The following GLB1 variants were observed in gnomAD, a reference collection of about 807,000 sequenced individuals.
GLB1 encodes the protein beta-galactosidase.
In GLB1, 56 loss-of-function variants were observed where a neutral mutation model predicts 74.0. That is an observed-to-expected ratio of 0.76 (90% CI 0.61 to 0.94). The LOEUF (loss-of-function observed/expected upper bound fraction) is 0.94, where lower values mean the gene tolerates loss of function less well. GLB1 is among the 40% of genes least tolerant of loss of function. The pLI is 0.00. For synonymous variants in GLB1, 323 were observed against 323.6 expected (o/e 1.00, Z 0.02); for missense variants, 787 against 845.5 (o/e 0.93, Z 0.86).
At chr3:32,993,522 ATTT>A (rs746774682), downstream of GLB1, among the ~76,000 whole-genome samples, 3 of 62,250 alleles carry the variant, frequency 4.8e-5, no homozygotes, top group African/African-American at 6.3e-5. Context: ...CATCCAGCTA[ATTT>A]TTTTTTTTTT....
chr3:32,962,193 T>A, the GLB1 span, among the ~76,000 whole-genome samples: 1 of 148,698 alleles, frequency 6.7e-6, no homozygotes, highest in Non-Finnish European at 1.5e-5. Context: ...GACTACATAT[T>A]AAAAAAAAAA....
At chr3:33,032,059 A>G (rs62253974) in intron 10 of GLB1, among the ~76,000 whole-genome samples, 15,129 of 152,036 alleles carry the variant, frequency 0.1, 918 homozygotes, top group Non-Finnish European at 0.14. Flanking sequence ...CGGCCTCCCA[A>G]AGTGCTGGGA....
chr3:32,970,307 T>C, the GLB1 span, among the ~76,000 whole-genome samples: 2 of 152,082 alleles, frequency 1.3e-5, no homozygotes. Flanking sequence ...TTGCCCATGG[T>C]CCTCCTCCGA....
rs761217705 is a variant in GLB1, at chr3:33,014,342, G to C, written c.1480-32C>G. On this transcript the variant is annotated intron_variant, in intron 14 of 15. Transcript: ENST00000307363. ...AGCAGAAACAGAGCACAGTGAGCTG[G>C]GGAGGGAAGGAAAAAGGCTTCACAT... is the stretch of plus-strand genomic sequence containing the variant. The C allele has an allele frequency of 1.9e-6, 3 of 1,609,708 alleles. No homozygotes were observed. In the Admixed American group the frequency reaches 5.1e-5, roughly 27 times the overall value.
the GLB1 span, among the ~76,000 whole-genome samples, chr3:32,967,755 A>C: frequency 6.6e-6 from 1 of 152,196 alleles, no homozygotes; most frequent in Non-Finnish European, 1.5e-5. Context: ...CTAGAGCCTC[A>C]GGGCCAGGGG....
the GLB1 span, among the ~76,000 whole-genome samples, chr3:32,982,002 C>T: frequency 1.3e-5 from 2 of 152,224 alleles, no homozygotes; most frequent in East Asian, 1.9e-4. Context: ...ATTAATGTGG[C>T]TTCTGATAGT....
At chr3:33,043,149 TATTG>T (rs1240276771) in intron 10 of GLB1, among the ~76,000 whole-genome samples, 1 of 152,002 alleles carries the variant, frequency 6.6e-6, no homozygotes, top group Non-Finnish European at 1.5e-5. Flanking sequence ...AAAGTAAAGA[TATTG>T]ATTAATTTTA....
At chr3:33,057,918 T>C (rs1198731812) in intron 6 of GLB1, among the ~76,000 whole-genome samples, 171 bp downstream of exon 6, 2 of 152,222 alleles carry the variant, frequency 1.3e-5, no homozygotes, top group South Asian at 2.1e-4. Flanking sequence ...GGCCTACAGA[T>C]AACCCTCTGT....
At chr3:32,981,754 C>T in the GLB1 span, among the ~76,000 whole-genome samples, 2 of 150,142 alleles carry the variant, frequency 1.3e-5, no homozygotes, top group Admixed American at 6.7e-5. Context: ...GCCTGGGAGA[C>T]AGAGCGAGAC....
chr3:33,082,236 T>C (rs1700348818), intron 1 of GLB1, among the ~76,000 whole-genome samples: 1 of 151,760 alleles, frequency 6.6e-6, no homozygotes, highest in Non-Finnish European at 1.5e-5. Flanking sequence ...CCCCAGTCCT[T>C]TTCACAGAGA....
the GLB1 span, among the ~76,000 whole-genome samples, chr3:32,983,770 C>A: frequency 6.6e-6 from 1 of 152,166 alleles, no homozygotes; most frequent in African/African-American, 2.4e-5. Context: ...CCTTGACCCC[C>A]TGAGTTCAAG....
At chr3:32,967,105 A>G in the GLB1 span, among the ~76,000 whole-genome samples, 1 of 152,204 alleles carries the variant, frequency 6.6e-6, no homozygotes, top group Non-Finnish European at 1.5e-5. Flanking sequence ...TTGTATTCAT[A>G]TTGTATTGGA....
the GLB1 span, among the ~76,000 whole-genome samples, chr3:32,979,595 G>A: frequency 1.3e-5 from 2 of 151,654 alleles, no homozygotes; most frequent in East Asian, 1.9e-4. Context: ...GCTTACACCT[G>A]TAATCCCAGC....
At chr3:33,002,842 T>TA (rs1295349499) in intron 15 of GLB1, among the ~76,000 whole-genome samples, 4 of 152,134 alleles carry the variant, frequency 2.6e-5, no homozygotes, top group Non-Finnish European at 5.9e-5. Context: ...TTGCAGGACT[T>TA]AAAATGGGAA....
intron 1 of GLB1, chr3:33,092,259 G>A (rs2125583649): frequency 1.0e-6 from 1 of 985,726 alleles, no homozygotes; most frequent in Non-Finnish European, 1.2e-6. Context: ...AGATTTTGCT[G>A]ATGCCCTCAA....
At chr3:32,964,689 A>G in the GLB1 span, among the ~76,000 whole-genome samples, 1 of 152,190 alleles carries the variant, frequency 6.6e-6, no homozygotes, top group African/African-American at 2.4e-5. Context: ...ATAATTCTAC[A>G]CCTAGGTATT....
chr3:33,051,415 G>A lies in GLB1; in HGVS notation c.955+343C>T, dbSNP rs537901570. Among the ~76,000 whole-genome samples the A allele has an allele frequency of 1.6e-4, 24 of 151,382 alleles. No homozygotes were observed. In the South Asian group the frequency reaches 5.0e-3, roughly 32 times the overall value. On this transcript the variant is annotated intron_variant, in intron 9 of 15. Coordinates refer to ENST00000307363, the MANE Select transcript of GLB1 (RefSeq NM_000404.4). ...AGTTCAAGACCAGCCTGGCCAACATGGTGAAACCCCGTCTCTACTAAAAAT... is the reference window on the plus strand; with the variant it reads ...AGTTCAAGACCAGCCTGGCCAACATAGTGAAACCCCGTCTCTACTAAAAAT...
At chr3:33,060,972 T>C (rs11129542) in intron 5 of GLB1, among the ~76,000 whole-genome samples, 1 of 151,770 alleles carries the variant, frequency 6.6e-6, no homozygotes, top group Non-Finnish European at 1.5e-5. Flanking sequence ...TCTATGTTAC[T>C]ACCAATTAGG....
intron 10 of GLB1, chr3:33,045,235 T>C (rs966847422): frequency 6.6e-6 from 4 of 608,582 alleles, no homozygotes; most frequent in East Asian, 1.5e-4. Flanking sequence ...GATTTGCTCA[T>C]AGACTCACTC....
Sources: gnomAD v4.1 joint callset for allele counts (sites outside exome capture counted in the v4.1 genomes callset) on GRCh38, gnomAD v4.1.1 for gene constraint, MANE v1.5 for transcripts, NCBI Gene and HGNC (gene_info 2026-07-23, HGNC 2026-07-21) for gene names.